ANK1: variants seen among roughly 807,000 people sequenced by gnomAD.
ANK1 encodes ankyrin 1.
A neutral mutation model predicts 210.4 loss-of-function variants in ANK1; 51 were observed. The ratio of observed to expected loss-of-function variants is 0.24; its 90% confidence interval spans 0.19 to 0.31. The LOEUF (loss-of-function observed/expected upper bound fraction) is 0.31, where lower values mean the gene tolerates loss of function less well. Among genes scored for constraint, ANK1 ranks in the 10% least tolerant of loss-of-function variants. ANK1 has a pLI of 1.00. For synonymous variants in ANK1, 967 were observed against 1,025.9 expected, an observed-to-expected ratio of 0.94 and a Z score of 1.10; for missense variants, 2,051 against 2,504.4, an observed-to-expected ratio of 0.82 and a Z score of 3.86.
At chr8:41,826,574 G>A (rs1805425421) in intron 1 of ANK1, among the ~76,000 whole-genome samples, 1 of 152,068 alleles carries the variant, frequency 6.6e-6, no homozygotes, top group South Asian at 2.1e-4. Flanking sequence ...TCCAAATAAG[G>A]AACAACATTT....
chr8:41,764,573 C>T (rs1294306120), intron 1 of ANK1, among the ~76,000 whole-genome samples: 2 of 152,224 alleles, frequency 1.3e-5, no homozygotes, highest in African/African-American at 4.8e-5. Context: ...TCATCCTATA[C>T]AGAAAACTAC....
At chr8:41,849,616 A>C (rs1045826149) in intron 1 of ANK1, among the ~76,000 whole-genome samples, 2 of 152,230 alleles carry the variant, frequency 1.3e-5, no homozygotes, top group Admixed American at 1.3e-4. Flanking sequence ...GATCCTGAGC[A>C]TGACAATGAT....
At chr8:41,750,635 C>T (rs112669298) in intron 2 of ANK1, among the ~76,000 whole-genome samples, 3 of 151,994 alleles carry the variant, frequency 2.0e-5, no homozygotes, top group African/African-American at 7.3e-5. Context: ...AGGATCCTGA[C>T]ACAGAGCAAT....
Position 41,710,246 on chromosome 8 carries a change from C to G in ANK1, c.1801-1271G>C, listed in dbSNP as rs544065313. Among the ~76,000 whole-genome samples, 51 of 152,140 alleles carry G rather than the reference C, an allele frequency of 3.4e-4. 1 individual carries two copies. Among genetic ancestry groups the G allele is most frequent in the African/African-American group, 1.2e-3 (51 of 41,532 alleles). On this transcript the variant is annotated intron_variant, in intron 16 of 42. Coordinates refer to ENST00000289734, the MANE Select transcript of ANK1 (RefSeq NM_000037.4). ...ACCACTTTCACCTGCATTTTTTTTG[C>G]GCTTCATTAAAACCACATAAGGTCA...
chr8:41,888,714 A>G (rs1818882111), intron 1 of ANK1, among the ~76,000 whole-genome samples: 1 of 152,266 alleles, frequency 6.6e-6, no homozygotes, highest in African/African-American at 2.4e-5. Context: ...AACTGAAGTT[A>G]AGGGGAAAGT....
At chr8:41,829,901 A>C (rs1049908422) in intron 1 of ANK1, 2 of 133,074 alleles carry the variant, frequency 1.5e-5, no homozygotes, top group East Asian at 2.2e-4. Context: ...GCCCCACTGC[A>C]CTCCAGCCTG....
intron 1 of ANK1, among the ~76,000 whole-genome samples, chr8:41,867,558 C>T (rs575368221): frequency 1.0e-3 from 157 of 152,306 alleles, no homozygotes; most frequent in Non-Finnish European, 1.5e-3. Flanking sequence ...AGCCCTGTTC[C>T]CTGCAGGCCT....
intron 12 of ANK1, among the ~76,000 whole-genome samples, chr8:41,717,309 CTT>C (rs1421099209): frequency 6.6e-6 from 1 of 152,224 alleles, no homozygotes. Flanking sequence ...TCTAGGTACA[CTT>C]AAAAGTAAAC....
chr8:41,844,752 T>C (rs1460656837), intron 1 of ANK1, among the ~76,000 whole-genome samples: 1 of 152,156 alleles, frequency 6.6e-6, no homozygotes. Flanking sequence ...AGCTTATCAA[T>C]GTAAGCTGTT....
At chr8:41,835,868 G>C (rs1807588146) in intron 1 of ANK1, among the ~76,000 whole-genome samples, 1 of 152,222 alleles carries the variant, frequency 6.6e-6, no homozygotes, top group Non-Finnish European at 1.5e-5. Flanking sequence ...CATTGTCACG[G>C]AGAAGCCTGC....
At chr8:41,769,961 T>TC (rs1842664164) in intron 1 of ANK1, among the ~76,000 whole-genome samples, 2 of 139,138 alleles carry the variant, frequency 1.4e-5, no homozygotes, top group African/African-American at 5.4e-5. Flanking sequence ...TATATCTTCT[T>TC]TTTTTTTTCT....
chr8:41,849,401 A>G (rs1456019495), intron 1 of ANK1, among the ~76,000 whole-genome samples: 1 of 152,110 alleles, frequency 6.6e-6, no homozygotes, highest in South Asian at 2.1e-4. Context: ...GCAAGTGCCT[A>G]TAATCCCAGC....
intron 16 of ANK1, among the ~76,000 whole-genome samples, chr8:41,712,114 G>A (rs1035015622): frequency 3.3e-5 from 5 of 151,886 alleles, no homozygotes; most frequent in Non-Finnish European, 5.9e-5. Context: ...TAGTAGAGAC[G>A]GGGTTTCACC....
chr8:41,835,375 C>A (rs12682517), intron 1 of ANK1, among the ~76,000 whole-genome samples: 1 of 152,138 alleles, frequency 6.6e-6, no homozygotes, highest in African/African-American at 2.4e-5. Context: ...TCGCTTGAAC[C>A]CGGGAGGTGG....
chr8:41,688,700 A>T, intron 33 of ANK1, 111 bp from the exon 34 acceptor site: 1 of 901,494 alleles, frequency 1.1e-6, no homozygotes, highest in Non-Finnish European at 1.8e-6. Context: ...CAGTCCTGGT[A>T]AACAATCAGT....
At chr8:41,789,933 C>T (rs1367917111) in intron 1 of ANK1, among the ~76,000 whole-genome samples, 6 of 152,128 alleles carry the variant, frequency 3.9e-5, no homozygotes, top group African/African-American at 1.4e-4. Context: ...GATAAAACCC[C>T]GGGGACCTCA....
chr8:41,870,110 C>T (rs1034361002), intron 1 of ANK1, among the ~76,000 whole-genome samples: 2 of 152,044 alleles, frequency 1.3e-5, no homozygotes, highest in African/African-American at 4.8e-5. Context: ...GCAAGTAACA[C>T]CACCAACAGC....
chr8:41,711,139 A>G (rs1482849365), intron 16 of ANK1, among the ~76,000 whole-genome samples: 1 of 152,250 alleles, frequency 6.6e-6, no homozygotes, highest in Non-Finnish European at 1.5e-5. Context: ...AAAAGAGAGC[A>G]AAGGAATGGG....
chr8:41,811,187 C>T (rs968881340), intron 1 of ANK1, among the ~76,000 whole-genome samples: 1 of 152,120 alleles, frequency 6.6e-6, no homozygotes, highest in Admixed American at 6.5e-5. Flanking sequence ...AAGCTCAAGC[C>T]GCTACCATAA....
Sources: gnomAD v4.1 joint callset for allele counts (sites outside exome capture counted in the v4.1 genomes callset) on GRCh38, gnomAD v4.1.1 for gene constraint, MANE v1.5 for transcripts, NCBI Gene and HGNC (gene_info 2026-07-23, HGNC 2026-07-21) for gene names.